The following SLC2A9 variants were observed in gnomAD, a reference collection of about 807,000 sequenced individuals.
SLC2A9 encodes the protein solute carrier family 2, facilitated glucose transporter member 9.
A neutral mutation model predicts 50.6 loss-of-function variants in SLC2A9; 39 were observed. The ratio of observed to expected loss-of-function variants is 0.77; its 90% confidence interval spans 0.60 to 1.01. SLC2A9 has a LOEUF of 1.01. Ranked by LOEUF, SLC2A9 falls within the 50% of genes least tolerant of loss-of-function variation. The probability of loss-of-function intolerance (pLI) is 0.00; values close to 1 mark genes in which losing one functional copy is unlikely to be tolerated. For missense variants in SLC2A9, 686 were observed against 677.6 expected (o/e 1.01, Z -0.14); for synonymous variants, 324 against 276.9 (o/e 1.17, Z -1.69).
intron 3 of SLC2A9, among the ~76,000 whole-genome samples, chr4:9,800,203 C>A (rs1035646241): frequency 3.9e-5 from 6 of 152,146 alleles, no homozygotes; most frequent in African/African-American, 1.4e-4. Flanking sequence ...GAACTCAGTG[C>A]AGAACTGAAT....
At chr4:9,811,980 C>T (rs976367653) in intron 3 of SLC2A9, among the ~76,000 whole-genome samples, 1 of 152,166 alleles carries the variant, frequency 6.6e-6, no homozygotes, top group African/African-American at 2.4e-5. Context: ...GCCTGCTGTA[C>T]ATTAGCCTTA....
chr4:9,810,552 G>A (rs1255735673), intron 3 of SLC2A9, among the ~76,000 whole-genome samples: 1 of 152,206 alleles, frequency 6.6e-6, no homozygotes, highest in African/African-American at 2.4e-5. Flanking sequence ...CTAGTCTCAC[G>A]AGAGACTGAT....
chr4:9,801,458 A>G (rs1012082141), intron 3 of SLC2A9, among the ~76,000 whole-genome samples: 2 of 152,230 alleles, frequency 1.3e-5, no homozygotes, highest in African/African-American at 4.8e-5. Context: ...GGTTTACACA[A>G]TAAATTCAAC....
chr4:9,932,014 G>T (rs1746235232), intron 6 of SLC2A9, among the ~76,000 whole-genome samples: 1 of 100,182 alleles, frequency 1.0e-5, no homozygotes, highest in African/African-American at 4.2e-5. Context: ...TGCCTGACTT[G>T]GAAAATCTCT....
In SLC2A9 at chr4:9,958,408, C is replaced by T. The variant is rs185680528; in HGVS notation, c.682-16363G>A. 5.3e-5 allele frequency among the ~76,000 whole-genome samples: 8 copies of T among 152,152 alleles called. No homozygotes were observed. In the East Asian group the frequency reaches 1.4e-3, roughly 26 times the overall value. On this transcript the variant is annotated intron_variant, in intron 5 of 11. Transcript: ENST00000264784. Reference sequence around the variant, plus strand: ...AACAAAGGAACAGAAAACCAAACACCGCATGTCCTCAACTCATAAGTGGGA... The same window carrying T: ...AACAAAGGAACAGAAAACCAAACACTGCATGTCCTCAACTCATAAGTGGGA...
In SLC2A9 at chr4:9,991,554, G is replaced by A. The variant is rs183004276; in HGVS notation, c.410+5227C>T. ...GCCAACAAAAAACAAGCTGAGCTGA[G>A]AGGTGGAGAAAGAGAGAGATTTGGA... is the stretch of plus-strand genomic sequence containing the variant. On this transcript the variant is annotated intron_variant, in intron 3 of 11. Coordinates refer to ENST00000264784, the MANE Select transcript of SLC2A9 (RefSeq NM_020041.3). 2.6e-3 allele frequency among the ~76,000 whole-genome samples: 401 copies of A among 152,312 alleles called. 2 individuals carry two copies. The highest frequency in any genetic ancestry group is 4.3e-3 in the Non-Finnish European group (290 of 68,020).
intron 3 of SLC2A9, among the ~76,000 whole-genome samples, chr4:9,807,670 T>A (rs1295555068): frequency 6.6e-6 from 1 of 152,252 alleles, no homozygotes; most frequent in Non-Finnish European, 1.5e-5. Flanking sequence ...TTTGCAGGAA[T>A]CTGACTGATT....
chr4:9,988,951 T>C (rs527908682), intron 3 of SLC2A9, among the ~76,000 whole-genome samples: 6 of 152,254 alleles, frequency 3.9e-5, no homozygotes, highest in Admixed American at 2.0e-4. Context: ...GGGAATTCTA[T>C]TTCAGTTTGA....
intron 10 of SLC2A9, among the ~76,000 whole-genome samples, chr4:9,843,965 G>C (rs1728505936): frequency 6.6e-6 from 1 of 151,976 alleles, no homozygotes; most frequent in Non-Finnish European, 1.5e-5. Flanking sequence ...TGCCTTAGTA[G>C]CACATGCACT....
intron 11 of SLC2A9, among the ~76,000 whole-genome samples, chr4:9,830,306 T>C (rs2109106430): frequency 6.6e-6 from 1 of 152,296 alleles, no homozygotes; most frequent in East Asian, 1.9e-4. Context: ...AAGTGGGAGC[T>C]GAACAACGAG....
chr4:9,929,373 G>T (rs1293788684), intron 6 of SLC2A9, among the ~76,000 whole-genome samples: 1 of 152,234 alleles, frequency 6.6e-6, no homozygotes. Flanking sequence ...CATCAGTTCT[G>T]CGGGGCTTCT....
chr4:9,778,854 CT>C (rs1253201703), downstream of SLC2A9, among the ~76,000 whole-genome samples: 2 of 151,918 alleles, frequency 1.3e-5, no homozygotes, highest in African/African-American at 2.4e-5. Flanking sequence ...GAGTCTCACT[CT>C]GTCACCCAGG....
chr4:10,029,669 T>C (rs571100675), intron 1 of SLC2A9, among the ~76,000 whole-genome samples: 21 of 151,762 alleles, frequency 1.4e-4, no homozygotes, highest in Non-Finnish European at 2.1e-4. Flanking sequence ...CAGGCTGGAG[T>C]GCAATGGCAC....
At chr4:9,948,811 A>G (rs192763178) in intron 5 of SLC2A9, among the ~76,000 whole-genome samples, 9 of 152,188 alleles carry the variant, frequency 5.9e-5, no homozygotes, top group East Asian at 5.8e-4. Context: ...TCATTCTCCA[A>G]TCAGCTTCCT....
chr4:9,967,099 T>C (rs989327566), intron 5 of SLC2A9, among the ~76,000 whole-genome samples: 3 of 152,236 alleles, frequency 2.0e-5, no homozygotes, highest in African/African-American at 7.2e-5. Context: ...CAAACAGAAA[T>C]GTCATTGAAC....
intron 3 of SLC2A9, among the ~76,000 whole-genome samples, chr4:9,809,421 T>C (rs1448544091): frequency 6.6e-6 from 1 of 152,190 alleles, no homozygotes; most frequent in Admixed American, 6.5e-5. Flanking sequence ...GTCTTTTCCA[T>C]TCAAACAGAA....
intron 11 of SLC2A9, among the ~76,000 whole-genome samples, chr4:9,832,223 C>T (rs988514484): frequency 9.2e-5 from 14 of 152,120 alleles, no homozygotes; most frequent in Admixed American, 7.8e-4. Context: ...CTCCCATGGG[C>T]GGGCGTGAGT....
chr4:9,890,823 C>T, intron 8 of SLC2A9, 112 bp from the exon 9 acceptor site: 3 of 934,300 alleles, frequency 3.2e-6, no homozygotes, highest in Non-Finnish European at 5.1e-6. Context: ...CGGCTTTGAC[C>T]CTGAGACAGT....
chr4:9,771,400 C>T (rs1342866205), intron 1 of SLC2A9: 2 of 398,026 alleles, frequency 5.0e-6, no homozygotes, highest in Admixed American at 4.4e-5. Flanking sequence ...TAGAGTCATG[C>T]CAGTTCTTAG....
Sources: allele counts gnomAD v4.1 joint callset (sites outside exome capture counted in the v4.1 genomes callset), GRCh38; gene constraint gnomAD v4.1.1; transcripts MANE v1.5; gene names NCBI Gene and HGNC (gene_info 2026-07-23, HGNC 2026-07-21).